Variants in TRAK1 observed in about 807,000 individuals in gnomAD.
TRAK1 encodes the protein trafficking kinesin-binding protein 1.
In TRAK1, 33 loss-of-function variants were observed where a neutral mutation model predicts 92.1. The ratio of observed to expected loss-of-function variants is 0.36; its 90% CI spans 0.27 to 0.48. The LOEUF (loss-of-function observed/expected upper bound fraction) is 0.48. Ranked by LOEUF, TRAK1 falls within the 20% of genes least tolerant of loss-of-function variation. The pLI, the probability that TRAK1 is intolerant of heterozygous loss-of-function variation, is 0.99. For synonymous variants in TRAK1, 521 were observed against 517.3 expected (o/e 1.01, Z -0.10); for missense variants, 1,123 against 1,257.9 (o/e 0.89, Z 1.62).
intron 2 of TRAK1, among the ~76,000 whole-genome samples, chr3:42,131,860 C>T (rs555692729): frequency 7.7e-4 from 116 of 151,042 alleles, no homozygotes; most frequent in Admixed American, 2.0e-3. Context: ...AAGTTCGAGA[C>T]CAGCCTGGGC....
intron 1 of TRAK1, among the ~76,000 whole-genome samples, chr3:42,109,437 A>G (rs894705239): frequency 6.6e-6 from 1 of 152,234 alleles, no homozygotes; most frequent in Non-Finnish European, 1.5e-5. Flanking sequence ...GAAAGAAAAG[A>G]TATAATGTTA....
intron 14 of TRAK1, among the ~76,000 whole-genome samples, chr3:42,215,969 G>A (rs1368979179): frequency 6.6e-6 from 1 of 152,208 alleles, no homozygotes; most frequent in African/African-American, 2.4e-5. Context: ...GGCCTTTAGA[G>A]AGAAGAAAGC....
intron 1 of TRAK1, among the ~76,000 whole-genome samples, chr3:42,019,369 G>A (rs1701649119): frequency 2.0e-5 from 3 of 152,142 alleles, no homozygotes; most frequent in Admixed American, 2.0e-4. Flanking sequence ...TTGAACTCCT[G>A]GACTCAAGCC....
chr3:42,036,159 C>T (rs185832979), intron 1 of TRAK1, among the ~76,000 whole-genome samples: 18 of 152,280 alleles, frequency 1.2e-4, no homozygotes, highest in African/African-American at 4.3e-4. Flanking sequence ...GACCTGGCAT[C>T]TGGCACTTGA....
At chr3:42,023,157 CA>C (rs371646962) in intron 1 of TRAK1, among the ~76,000 whole-genome samples, 2 of 111,740 alleles carry the variant, frequency 1.8e-5, no homozygotes, top group African/African-American at 3.6e-5. Context: ...GACTGCATCT[CA>C]AAAAAAAAAA....
intron 14 of TRAK1, among the ~76,000 whole-genome samples, chr3:42,215,938 T>G (rs1315581312): frequency 2.6e-5 from 4 of 152,192 alleles, no homozygotes; most frequent in Non-Finnish European, 4.4e-5. Context: ...GAGGGTTCTT[T>G]TAAGGACTAG....
intron 15 of TRAK1, among the ~76,000 whole-genome samples, chr3:42,222,238 T>C (rs1192670678): frequency 6.6e-6 from 1 of 152,166 alleles, no homozygotes; most frequent in African/African-American, 2.4e-5. Context: ...ACCGTTGATG[T>C]AGATCTCTTC....
chr3:42,208,125 A>G (rs944573320), intron 13 of TRAK1, among the ~76,000 whole-genome samples: 1 of 152,142 alleles, frequency 6.6e-6, no homozygotes, highest in African/African-American at 2.4e-5. Flanking sequence ...GAGAGAACGG[A>G]TATGTGATAC....
At chr3:42,081,338 T>G (rs1704429150) in intron 1 of TRAK1, among the ~76,000 whole-genome samples, 1 of 152,190 alleles carries the variant, frequency 6.6e-6, no homozygotes, top group Non-Finnish European at 1.5e-5. Flanking sequence ...AGGTTAGCAG[T>G]GTGAAATTTG....
chr3:42,115,607 G>C lies in TRAK1; in HGVS notation c.92-9813G>C, dbSNP rs993106521. Among the ~76,000 whole-genome samples the C allele has an allele frequency of 3.3e-5, 5 of 152,196 alleles. No individual in the cohort carries two copies. The East Asian group carries it at 5.8e-4, about 18-fold the overall frequency. On this transcript the variant is annotated intron_variant, in intron 1 of 15. Transcript: ENST00000327628. ...CGTTTTCTTAGAAAGCGTTTCTTCT[G>C]TTGGTAATTAAGGCCATGGAATTCT... is the stretch of plus-strand genomic sequence containing the variant.
At chr3:42,023,157 C>CAAAA (rs371646962) in intron 1 of TRAK1, among the ~76,000 whole-genome samples, 41 of 111,582 alleles carry the variant, frequency 3.7e-4, no homozygotes, top group African/African-American at 1.0e-3. Flanking sequence ...GACTGCATCT[C>CAAAA]AAAAAAAAAA....
At chr3:42,219,218 C>A in intron 14 of TRAK1, 1 of 984,224 alleles carries the variant, frequency 1.0e-6, no homozygotes, top group Non-Finnish European at 1.2e-6. Context: ...CACCCCCAGA[C>A]TGGATCCACT....
chr3:42,211,379 G>C, intron 14 of TRAK1: 1 of 985,088 alleles, frequency 1.0e-6, no homozygotes. Context: ...ATTTTTTTTA[G>C]GCAGTTATAT....
In TRAK1 at chr3:42,223,553, GCCTGCCCCTCAGATGCC is replaced by G; in HGVS notation, c.2681_2697del (p.Leu894HisfsTer13). On this transcript the variant is annotated frameshift_variant, in exon 16 of 16. Transcript: ENST00000327628. LOFTEE classifies it high-confidence loss of function. This position sits in a 1 kb window ranked among gnomAD's most constrained non-coding sequence, Gnocchi z 6.1. ...GTTCCCAGAGGCCTGGTACCTGAGGGCCTGCCCCTCAGATGCCCCACTGTCACCAGTGCCATCGGTGG... is the reference window on the plus strand; with the variant it reads ...GTTCCCAGAGGCCTGGTACCTGAGGGCCACTGTCACCAGTGCCATCGGTGG... 1.2e-6 allele frequency: 2 copies of G among 1,613,846 alleles called. No individual in the cohort carries two copies. Among genetic ancestry groups the G allele is most frequent in the Non-Finnish European group, 1.7e-6 (2 of 1,179,972 alleles).
intron 1 of TRAK1, among the ~76,000 whole-genome samples, chr3:42,078,645 C>T (rs558578879): frequency 1.9e-4 from 29 of 150,406 alleles, no homozygotes; most frequent in Non-Finnish European, 3.5e-4. Flanking sequence ...CCCAGCTACT[C>T]GGGAGCCTGA....
intron 2 of TRAK1, among the ~76,000 whole-genome samples, chr3:42,142,779 A>G (rs892896232): frequency 3.9e-5 from 6 of 152,158 alleles, no homozygotes; most frequent in African/African-American, 1.4e-4. Flanking sequence ...TTTGATAGTC[A>G]TTGAAGATTC....
At chr3:42,060,977 C>T (rs1034245697) in intron 1 of TRAK1, among the ~76,000 whole-genome samples, 1 of 151,670 alleles carries the variant, frequency 6.6e-6, no homozygotes, top group Non-Finnish European at 1.5e-5. Flanking sequence ...TTGGGGATCT[C>T]ATCAGGTTCA....
chr3:42,140,605 C>A (rs762469985), intron 2 of TRAK1, among the ~76,000 whole-genome samples: 1 of 152,136 alleles, frequency 6.6e-6, no homozygotes, highest in Non-Finnish European at 1.5e-5. Context: ...CCAGCCTGGG[C>A]GACAGAGTGA....
chr3:42,089,674 G>GTCCCC (rs765250539), upstream of TRAK1, among the ~76,000 whole-genome samples: 1 of 85,946 alleles, frequency 1.2e-5, no homozygotes, highest in Non-Finnish European at 2.5e-5. Flanking sequence ...TGCTTTTTGT[G>GTCCCC]ACCCCCCCCC....
Sources: gnomAD v4.1 joint callset for allele counts (sites outside exome capture counted in the v4.1 genomes callset) on GRCh38, gnomAD v4.1.1 for gene constraint, Gnocchi (gnomAD v3.1) non-coding constraint, MANE v1.5 for transcripts, NCBI Gene and HGNC (gene_info 2026-07-23, HGNC 2026-07-21) for gene names.